The following KCNMB2 variants were observed in gnomAD, a reference collection of about 807,000 sequenced individuals.
The protein encoded by KCNMB2 is calcium-activated potassium channel subunit beta-2.
In KCNMB2, 9 loss-of-function variants were observed where a neutral mutation model predicts 24.5. The observed-to-expected ratio is 0.37, with a 90% CI of 0.22 to 0.64. KCNMB2 has a LOEUF of 0.64. Ranked by LOEUF, KCNMB2 falls within the 30% of genes least tolerant of loss-of-function variation. The probability of loss-of-function intolerance (pLI) is 0.63; values close to 1 mark genes in which losing one functional copy is unlikely to be tolerated. For missense variants in KCNMB2, 226 were observed against 284.3 expected (o/e 0.79, Z 1.47); for synonymous variants, 109 against 104.4 (o/e 1.04, Z -0.27).
At chr3:178,633,092 C>T (rs551615639) in intron 1 of KCNMB2, among the ~76,000 whole-genome samples, 100 of 152,336 alleles carry the variant, frequency 6.6e-4, no homozygotes, top group African/African-American at 1.5e-3. Context: ...TGGGCAGCTC[C>T]GCCCCTGTAG....
chr3:178,813,266 T>A (rs1714266778), intron 2 of KCNMB2, among the ~76,000 whole-genome samples: 1 of 152,142 alleles, frequency 6.6e-6, no homozygotes, highest in Non-Finnish European at 1.5e-5. Context: ...AGTCTCCACA[T>A]CCCGGAATAT....
chr3:178,731,381 G>C (rs1234005791), intron 1 of KCNMB2, among the ~76,000 whole-genome samples: 1 of 152,164 alleles, frequency 6.6e-6, no homozygotes, highest in African/African-American at 2.4e-5. Context: ...GTTGTGAGGG[G>C]CTTTCCTGTG....
intron 1 of KCNMB2, among the ~76,000 whole-genome samples, chr3:178,642,769 C>G (rs188362674): frequency 6.6e-6 from 1 of 152,322 alleles, no homozygotes; most frequent in African/African-American, 2.4e-5. Context: ...CTGATCATGG[C>G]AGCATGCAAA....
In KCNMB2 at chr3:178,758,345, G is replaced by GAT. The variant is rs1214797017; in HGVS notation, c.-67-48973_-67-48972dup. ...ATATATATATATATCTCCAAGAGGG[G>GAT]ATATATATATATATATATATATATA... On this transcript the variant is annotated intron_variant, in intron 1 of 4. Transcript: ENST00000452583. Among the ~76,000 whole-genome samples, 51 of 8,678 alleles carry GAT rather than the reference G, an allele frequency of 5.9e-3. 4 individuals carry two copies. The highest frequency in any genetic ancestry group is 0.018 in the East Asian group (8 of 446). 5.7% of individuals were successfully genotyped at this position (8,678 alleles called of 152,430 possible). A position where few individuals can be genotyped will look rare whatever the true frequency, so the allele number is the denominator to read the frequency against.
At chr3:178,621,080 T>C (rs1718904481) in intron 1 of KCNMB2, among the ~76,000 whole-genome samples, 1 of 152,158 alleles carries the variant, frequency 6.6e-6, no homozygotes, top group Non-Finnish European at 1.5e-5. Flanking sequence ...GACCTTAATT[T>C]GCCGGGAATA....
At chr3:178,554,907 T>A (rs1716073211) in intron 1 of KCNMB2, among the ~76,000 whole-genome samples, 2 of 152,240 alleles carry the variant, frequency 1.3e-5, no homozygotes, top group African/African-American at 4.8e-5. Context: ...TTATTATGGA[T>A]AGAGGTTGTC....
chr3:178,746,097 A>G (rs2108382857), intron 1 of KCNMB2, among the ~76,000 whole-genome samples: 1 of 152,276 alleles, frequency 6.6e-6, no homozygotes, highest in African/African-American at 2.4e-5. Flanking sequence ...CTCCAACCCA[A>G]CATTTCCCTT....
intron 1 of KCNMB2, among the ~76,000 whole-genome samples, chr3:178,788,035 A>G (rs1713177549): frequency 6.6e-6 from 1 of 152,136 alleles, no homozygotes; most frequent in Non-Finnish European, 1.5e-5. Flanking sequence ...TTTCATGTCT[A>G]TTGTTGTCAT....
intron 1 of KCNMB2, among the ~76,000 whole-genome samples, chr3:178,679,636 G>A (rs1721198625): frequency 6.6e-6 from 1 of 152,078 alleles, no homozygotes; most frequent in Non-Finnish European, 1.5e-5. Context: ...CTTAGGTATG[G>A]CAGTAGGGGC....
intron 1 of KCNMB2, among the ~76,000 whole-genome samples, chr3:178,725,633 C>A (rs957845250): frequency 6.6e-6 from 1 of 151,940 alleles, no homozygotes; most frequent in Non-Finnish European, 1.5e-5. Flanking sequence ...AGCTTTTCAA[C>A]TTGTTAAAGT....
intron 1 of KCNMB2, among the ~76,000 whole-genome samples, chr3:178,782,044 G>T (rs1712877824): frequency 8.4e-6 from 1 of 118,472 alleles, no homozygotes; most frequent in Non-Finnish European, 1.8e-5. Flanking sequence ...TGCGGTGTTT[G>T]GTTTTTTGTT....
Position 178,759,754 on chromosome 3 carries a change from CTA to C in KCNMB2, c.-67-47577_-67-47576del, listed in dbSNP as rs200103209. ...CATATATATATCCAAGAGGATATATCTATATATATATATCCAAGAGGATATAT... is the reference window on the plus strand; with the variant it reads ...CATATATATATCCAAGAGGATATATCTATATATATATCCAAGAGGATATAT... On this transcript the variant is annotated intron_variant, in intron 1 of 4. Transcript: ENST00000452583. 3.4e-4 allele frequency among the ~76,000 whole-genome samples: 2 copies of C among 5,872 alleles called. 1 individual carries two copies. Among genetic ancestry groups the C allele is most frequent in the East Asian group, 0.016 (2 of 124 alleles). 3.9% of individuals were successfully genotyped at this position (5,872 alleles called of 152,430 possible).
In KCNMB2 at chr3:178,807,379, G is replaced by A. The variant is rs1428495830; in HGVS notation, c.-31G>A. On this transcript the variant is annotated 5_prime_UTR_variant, in exon 2 of 5. Coordinates refer to ENST00000452583, the MANE Select transcript of KCNMB2 (RefSeq NM_181361.3). ...ATTCCTCCAGGACATCCACCATAAG[G>A]AAAGGAGACCCTGGACCAACATTCT... 6.2e-7 allele frequency: 1 copy of A among 1,604,354 alleles called. No individual in the cohort carries two copies. Among genetic ancestry groups the A allele is most frequent in the East Asian group, 2.2e-5 (1 of 44,800 alleles).
intron 1 of KCNMB2, among the ~76,000 whole-genome samples, chr3:178,606,500 C>A (rs941569229): frequency 1.6e-5 from 2 of 126,252 alleles, no homozygotes; most frequent in Non-Finnish European, 3.5e-5. Flanking sequence ...GTGGAAATTT[C>A]TTTCCTTTGT....
At chr3:178,646,195 A>G (rs1719917243) in intron 1 of KCNMB2, among the ~76,000 whole-genome samples, 1 of 152,106 alleles carries the variant, frequency 6.6e-6, no homozygotes, top group Non-Finnish European at 1.5e-5. Context: ...AGTCCTGGAG[A>G]GATAGTTTGA....
At chr3:178,591,232 T>A (rs112827921) in intron 1 of KCNMB2, among the ~76,000 whole-genome samples, 504 of 152,224 alleles carry the variant, frequency 3.3e-3, no homozygotes, top group African/African-American at 0.011. Flanking sequence ...CAATACTCAA[T>A]GGTTAAGATT....
At chr3:178,640,925 T>C (rs1350304228) in intron 1 of KCNMB2, among the ~76,000 whole-genome samples, 3 of 152,174 alleles carry the variant, frequency 2.0e-5, no homozygotes, top group South Asian at 2.1e-4. Flanking sequence ...GGAGATCCAA[T>C]TGGTCTATTA....
intron 1 of KCNMB2, among the ~76,000 whole-genome samples, chr3:178,570,757 G>A (rs1716748910): frequency 6.6e-6 from 1 of 151,996 alleles, no homozygotes; most frequent in Non-Finnish European, 1.5e-5. Context: ...AATATGATAT[G>A]CAGCAATTTT....
chr3:178,569,338 C>T (rs1213684863), intron 1 of KCNMB2, among the ~76,000 whole-genome samples: 1 of 152,148 alleles, frequency 6.6e-6, no homozygotes, highest in East Asian at 1.9e-4. Context: ...AGAAACATAG[C>T]ACATTCTAAT....
Sources: gnomAD v4.1 joint callset for allele counts (sites outside exome capture counted in the v4.1 genomes callset) on GRCh38, gnomAD v4.1.1 for gene constraint, MANE v1.5 for transcripts, NCBI Gene and HGNC (gene_info 2026-07-23, HGNC 2026-07-21) for gene names.